Variants in TTC28 observed in about 807,000 individuals in gnomAD.
The protein encoded by TTC28 is tetratricopeptide repeat protein 28.
TTC28 carries 61 observed loss-of-function variants against 198.0 expected under a neutral mutation model. That is an observed-to-expected ratio of 0.31 (90% CI 0.25 to 0.38). TTC28 has a LOEUF of 0.38. Among genes scored for constraint, TTC28 ranks in the 10% least tolerant of loss-of-function variants. The pLI, the probability that TTC28 is intolerant of heterozygous loss-of-function variation, is 1.00. For synonymous variants in TTC28, 1,171 were observed against 1,297.8 expected (o/e 0.90, Z 2.10); for missense variants, 2,678 against 3,164.0 (o/e 0.85, Z 3.69).
At chr22:28,384,573 T>C (rs1211401297) in intron 2 of TTC28, among the ~76,000 whole-genome samples, 1 of 152,230 alleles carries the variant, frequency 6.6e-6, no homozygotes, top group Non-Finnish European at 1.5e-5. Flanking sequence ...AGTTACATAG[T>C]AAGTATGCAT....
chr22:28,007,404 C>G (rs1937972067), intron 14 of TTC28: 1 of 152,090 alleles, frequency 6.6e-6, no homozygotes, highest in African/African-American at 2.4e-5. Flanking sequence ...AGCGAACATT[C>G]AACCCATTCA....
intron 12 of TTC28, among the ~76,000 whole-genome samples, chr22:28,088,862 C>G (rs569451661): frequency 2.0e-5 from 3 of 152,324 alleles, no homozygotes; most frequent in African/African-American, 7.2e-5. Context: ...AGGACATGAA[C>G]AGACACTTCT....
intron 1 of TTC28, among the ~76,000 whole-genome samples, chr22:28,652,878 T>C (rs747666652): frequency 6.6e-6 from 1 of 152,150 alleles, no homozygotes; most frequent in Non-Finnish European, 1.5e-5. Flanking sequence ...TGTATAAATA[T>C]GCACTCAGTA....
rs142577155 is a variant in TTC28, at chr22:28,514,305, G to A, written c.381+115247C>T. On this transcript the variant is annotated intron_variant, in intron 2 of 22. Transcript: ENST00000397906. ...TAAGTGTTACAATGATTAGCAGTAC[G>A]AGTCTCTCTGATAAAACCCAACTCT... 3.9e-3 allele frequency among the ~76,000 whole-genome samples: 589 copies of A among 152,256 alleles called. 7 individuals are homozygous for A. Among genetic ancestry groups the A allele is most frequent in the South Asian group, 0.03 (145 of 4,824 alleles).
At position 27,983,611 on chromosome 22, in the gene TTC28, C is replaced by A. The variant is rs549937725; in HGVS notation, c.6056G>T (p.Gly2019Val). 4 of 1,544,772 alleles carry A rather than the reference C, an allele frequency of 2.6e-6. No individual in the cohort carries two copies. In the African/African-American group the frequency reaches 5.5e-5, roughly 21 times the overall value. Residue 2019 changes from glycine (G) to valine (V), a missense_variant, in exon 23 of 23, where the codon GGA becomes GTA. Physicochemically the swap from Gly to Val is moderately radical, Grantham distance 109. Around this residue, in one of 8 missense-constraint regions of TTC28, gnomAD observed 622 missense variants for 656.0 expected, o/e 0.95. Coordinates refer to ENST00000397906, the MANE Select transcript of TTC28 (RefSeq NM_001145418.2). ...CTTGGACCGGTCATGGTCCTGCCGT[C>A]CTCCGGGGCCTCCACCCTCTGATCC... is the stretch of plus-strand genomic sequence containing the variant. ...EGGSEGGGPG[G>V]RQDHDRSKNA... is the part of the protein sequence containing the mutation.
intron 5 of TTC28, among the ~76,000 whole-genome samples, chr22:28,253,549 C>T (rs950372171): frequency 1.3e-5 from 2 of 152,182 alleles, no homozygotes; most frequent in Non-Finnish European, 2.9e-5. Flanking sequence ...AACCTCAGCA[C>T]CAACCACACA....
At position 28,154,781 on chromosome 22, in the gene TTC28, A is replaced by C. The variant is rs552768273; in HGVS notation, c.1441+8311T>G. Among the ~76,000 whole-genome samples, 273 of 152,326 alleles carry C rather than the reference A, an allele frequency of 1.8e-3. 2 individuals carry two copies. The highest frequency in any genetic ancestry group is 6.4e-3 in the African/African-American group (264 of 41,572). On this transcript the variant is annotated intron_variant, in intron 6 of 22. Coordinates refer to ENST00000397906, the MANE Select transcript of TTC28 (RefSeq NM_001145418.2). ...TAAAGACTTTAAATCATTTTAAATT[A>C]TTTTATTATAAAACAAATAAAAGGT...
intron 2 of TTC28, among the ~76,000 whole-genome samples, chr22:28,432,630 C>T (rs2047450389): frequency 6.6e-6 from 1 of 152,138 alleles, no homozygotes; most frequent in Non-Finnish European, 1.5e-5. Context: ...GAGAACCACG[C>T]TAGCATCAGA....
intron 5 of TTC28, among the ~76,000 whole-genome samples, chr22:28,230,827 T>A (rs917729808): frequency 6.6e-6 from 1 of 152,166 alleles, no homozygotes; most frequent in African/African-American, 2.4e-5. Flanking sequence ...AGGATTTTAA[T>A]CCTCCTCAGC....
At chr22:28,300,777 C>T (rs1312338846) in intron 3 of TTC28, among the ~76,000 whole-genome samples, 3 of 152,042 alleles carry the variant, frequency 2.0e-5, no homozygotes, top group Non-Finnish European at 4.4e-5. Flanking sequence ...AACAGAAGTG[C>T]CAGAGAAGAC....
chr22:28,373,396 C>T (rs576171426), intron 2 of TTC28, among the ~76,000 whole-genome samples: 3 of 152,214 alleles, frequency 2.0e-5, no homozygotes, highest in African/African-American at 4.8e-5. Flanking sequence ...GGGGAATATG[C>T]TAGGCTGCTT....
chr22:28,337,722 G>A (rs2045754531), intron 2 of TTC28, among the ~76,000 whole-genome samples: 1 of 152,000 alleles, frequency 6.6e-6, no homozygotes. Flanking sequence ...TTTATTTTGA[G>A]CCTATGTGTG....
At chr22:28,532,203 A>G (rs1193254222) in intron 2 of TTC28, among the ~76,000 whole-genome samples, 2 of 152,166 alleles carry the variant, frequency 1.3e-5, no homozygotes, top group Non-Finnish European at 2.9e-5. Context: ...AAATAGACAC[A>G]ATAAAAAATG....
At chr22:28,188,954 G>A (rs1924464078) in intron 5 of TTC28, among the ~76,000 whole-genome samples, 1 of 152,024 alleles carries the variant, frequency 6.6e-6, no homozygotes, top group Non-Finnish European at 1.5e-5. Context: ...GACATTTGAG[G>A]AAAACTCTAA....
chr22:28,394,778 G>A (rs1297037905), intron 2 of TTC28, among the ~76,000 whole-genome samples: 1 of 152,146 alleles, frequency 6.6e-6, no homozygotes, highest in Non-Finnish European at 1.5e-5. Flanking sequence ...GAAACCAACA[G>A]CATGTAGAAC....
intron 2 of TTC28, among the ~76,000 whole-genome samples, chr22:28,622,122 G>A (rs2051009814): frequency 6.6e-6 from 1 of 152,158 alleles, no homozygotes; most frequent in Admixed American, 6.5e-5. Context: ...CATTTTCAAG[G>A]TGCAAGGGTC....
intron 12 of TTC28, among the ~76,000 whole-genome samples, chr22:28,074,546 C>T (rs1941103985): frequency 6.6e-6 from 1 of 152,200 alleles, no homozygotes; most frequent in Admixed American, 6.5e-5. Context: ...AGTGCCTCTG[C>T]CAGGTGTTCA....
chr22:28,133,799 AC>A (rs1256709467), intron 6 of TTC28, among the ~76,000 whole-genome samples: 12 of 152,240 alleles, frequency 7.9e-5, no homozygotes, highest in Admixed American at 5.9e-4. Flanking sequence ...GCATAGCCAA[AC>A]AAAAGGCAGC....
intron 1 of TTC28, among the ~76,000 whole-genome samples, chr22:28,648,300 T>G (rs1451468706): frequency 6.6e-6 from 1 of 150,462 alleles, no homozygotes; most frequent in Non-Finnish European, 1.5e-5. Context: ...GAGACACCAC[T>G]GTATCCCAGC....
Sources: allele counts gnomAD v4.1 joint callset (sites outside exome capture counted in the v4.1 genomes callset), GRCh38; gene constraint gnomAD v4.1.1; regional missense constraint gnomAD v4.1.1; transcripts MANE v1.5; gene names NCBI Gene and HGNC (gene_info 2026-07-23, HGNC 2026-07-21).